The following RAPGEF5 variants were observed in gnomAD, a reference collection of about 807,000 sequenced individuals.
RAPGEF5 encodes the protein M-Ras-regulated GEF.
In RAPGEF5, 65 loss-of-function variants were observed where a neutral mutation model predicts 125.2. The observed-to-expected ratio is 0.52, with a 90% CI of 0.43 to 0.64. RAPGEF5 has a LOEUF of 0.64. Ranked by LOEUF, RAPGEF5 falls within the 30% of genes least tolerant of loss-of-function variation. RAPGEF5 has a pLI of 0.00. For missense variants in RAPGEF5, 958 were observed against 1,048.1 expected, an observed-to-expected ratio of 0.91 and a Z score of 1.19; for synonymous variants, 391 against 385.9, an observed-to-expected ratio of 1.01 and a Z score of -0.16.
rs1426594748 is a variant in RAPGEF5 at position 22,146,881 on chromosome 7, G to A, written c.2007+16C>T. The A allele has an allele frequency of 6.2e-7, 1 of 1,606,904 alleles. No individual in the cohort carries two copies. ...TAAAACAGCATTTGTATTTTATCTT[G>A]TCACTCCTCATTTACCTCGTGAATT... On this transcript the variant is annotated intron_variant, in intron 19 of 25. Transcript: ENST00000665637.
At chr7:22,152,802 CATT>C (rs1300493218) in intron 17 of RAPGEF5, among the ~76,000 whole-genome samples, 1 of 151,992 alleles carries the variant, frequency 6.6e-6, no homozygotes, top group Non-Finnish European at 1.5e-5. Flanking sequence ...TTTGTGAAAA[CATT>C]ATTGTTTGGG....
chr7:22,175,580 T>C (rs936087609), intron 11 of RAPGEF5, among the ~76,000 whole-genome samples: 13 of 152,168 alleles, frequency 8.5e-5, no homozygotes, highest in African/African-American at 2.4e-4. Context: ...CAACAAAAAT[T>C]AATATCCAGC....
At chr7:22,234,575 T>TTA (rs1259186513) in intron 7 of RAPGEF5, among the ~76,000 whole-genome samples, 2 of 152,186 alleles carry the variant, frequency 1.3e-5, no homozygotes, top group African/African-American at 2.4e-5. Flanking sequence ...CTAAAGCATA[T>TTA]GCTTTGAGTG....
At chr7:22,224,384 A>C (rs13234393) in intron 8 of RAPGEF5, among the ~76,000 whole-genome samples, 6 of 152,216 alleles carry the variant, frequency 3.9e-5, no homozygotes, top group African/African-American at 1.4e-4. Context: ...CATTACTTAA[A>C]TGCTTTGACA....
chr7:22,264,227 T>C (rs1357226009), intron 7 of RAPGEF5, among the ~76,000 whole-genome samples: 5 of 152,200 alleles, frequency 3.3e-5, no homozygotes, highest in Admixed American at 6.5e-5. Context: ...CCTCCAGTCA[T>C]ATAAACCTAT....
chr7:22,242,394 CA>C (rs1445962337), intron 7 of RAPGEF5, among the ~76,000 whole-genome samples: 1 of 152,158 alleles, frequency 6.6e-6, no homozygotes, highest in Non-Finnish European at 1.5e-5. Context: ...TTACAAAAGG[CA>C]AAGGTCTGGA....
chr7:22,205,338 AC>A (rs1357826304), intron 9 of RAPGEF5, among the ~76,000 whole-genome samples: 3 of 152,134 alleles, frequency 2.0e-5, no homozygotes, highest in African/African-American at 7.2e-5. Flanking sequence ...CTTATTTAAA[AC>A]TTTAAATATC....
chr7:22,146,338 T>C (rs1194022070), intron 19 of RAPGEF5, among the ~76,000 whole-genome samples: 1 of 152,236 alleles, frequency 6.6e-6, no homozygotes, highest in African/African-American at 2.4e-5. Context: ...GAATCGTCAG[T>C]AGCATTTTGC....
chr7:22,229,761 G>T (rs1330979095), intron 8 of RAPGEF5, among the ~76,000 whole-genome samples: 1 of 152,166 alleles, frequency 6.6e-6, no homozygotes, highest in African/African-American at 2.4e-5. Context: ...CACACCAGAG[G>T]AGGTGACAAC....
At chr7:22,272,863 C>T (rs554413963) in intron 6 of RAPGEF5, among the ~76,000 whole-genome samples, 1 of 152,046 alleles carries the variant, frequency 6.6e-6, no homozygotes, top group East Asian at 1.9e-4. Flanking sequence ...GTCAAGCAAT[C>T]CTCCCACCTC....
chr7:22,287,970 T>C (rs1782837244), intron 6 of RAPGEF5, among the ~76,000 whole-genome samples: 2 of 152,212 alleles, frequency 1.3e-5, no homozygotes, highest in Admixed American at 1.3e-4. Flanking sequence ...TGCCCACCAG[T>C]TGAAGAGATG....
chr7:22,266,360 T>C (rs1332999158), intron 7 of RAPGEF5, among the ~76,000 whole-genome samples: 1 of 152,184 alleles, frequency 6.6e-6, no homozygotes, highest in Admixed American at 6.6e-5. Flanking sequence ...TCAGTGAGTC[T>C]CCATTTCATA....
At chr7:22,163,797 C>T (rs1209695991) in intron 12 of RAPGEF5, among the ~76,000 whole-genome samples, 1 of 152,182 alleles carries the variant, frequency 6.6e-6, no homozygotes, top group East Asian at 1.9e-4. Flanking sequence ...TGACATCAAA[C>T]ACTTGAGGGT....
chr7:22,259,080 A>G (rs1421667659), intron 7 of RAPGEF5, among the ~76,000 whole-genome samples: 3 of 152,216 alleles, frequency 2.0e-5, no homozygotes, highest in Non-Finnish European at 2.9e-5. Context: ...AAGGCAAGCT[A>G]TGGAGAGAAA....
Position 22,193,375 on chromosome 7 carries a change from T to C in RAPGEF5, c.1196A>G (p.Lys399Arg). 4 of 1,586,472 alleles carry C rather than the reference T, an allele frequency of 2.5e-6. No homozygotes were observed. The highest frequency in any genetic ancestry group is 2.6e-6 in the Non-Finnish European group (3 of 1,165,242). The change falls in exon 11 of 26, where the codon AAA (lysine) becomes AGA (arginine). Residue 399 changes from lysine to arginine, a missense_variant. Physicochemically the swap from Lys to Arg is conservative, Grantham distance 26. Coordinates refer to ENST00000665637, the MANE Select transcript of RAPGEF5 (RefSeq NM_012294.5). Reference protein sequence around the residue: ...NDLHLEEVQDKETETLLDDFL... With the variant: ...NDLHLEEVQDRETETLLDDFL... ...GCTACTCAGAGCCTTACCTGTTTCT[T>C]TGTCCTGGACTTCTTCCAGGTGCAA...
intron 24 of RAPGEF5, among the ~76,000 whole-genome samples, chr7:22,125,863 C>G (rs1782725131): frequency 6.6e-6 from 1 of 152,048 alleles, no homozygotes; most frequent in South Asian, 2.1e-4. Flanking sequence ...AACAGTAGCA[C>G]CAGAATGGGT....
intron 6 of RAPGEF5, among the ~76,000 whole-genome samples, chr7:22,269,259 C>T (rs1041869853): frequency 2.6e-5 from 4 of 151,358 alleles, no homozygotes; most frequent in African/African-American, 9.7e-5. Context: ...GCTGATCAAG[C>T]AGACCACACA....
In RAPGEF5 at chr7:22,166,184, C is replaced by G. The variant is rs566697328; in HGVS notation, c.1283+886G>C. ...CCAAGCAATCCTCCCACCTTGGCCT[C>G]CCAAAGTGCTGGAATTACAGGTGTG... On this transcript the variant is annotated intron_variant, in intron 12 of 25. Transcript: ENST00000665637. Among the ~76,000 whole-genome samples the G allele has an allele frequency of 6.5e-4, 98 of 151,108 alleles. 1 individual carries two copies. The South Asian group carries it at 0.02, about 31-fold the overall frequency.
chr7:22,135,513 C>G (rs1783052867), intron 23 of RAPGEF5, among the ~76,000 whole-genome samples: 1 of 152,160 alleles, frequency 6.6e-6, no homozygotes, highest in South Asian at 2.1e-4. Context: ...TTGCAGCTAT[C>G]AAATATTTTC....
Sources: gnomAD v4.1 joint callset for allele counts (sites outside exome capture counted in the v4.1 genomes callset) on GRCh38, gnomAD v4.1.1 for gene constraint, MANE v1.5 for transcripts, NCBI Gene and HGNC (gene_info 2026-07-23, HGNC 2026-07-21) for gene names.